Variants in CREB5 observed in about 807,000 individuals in gnomAD.
The protein encoded by CREB5 is cyclic AMP-responsive element-binding protein 5.
A neutral mutation model predicts 57.1 loss-of-function variants in CREB5; 19 were observed. The ratio of observed to expected loss-of-function variants is 0.33; its 90% confidence interval spans 0.23 to 0.49. The LOEUF (loss-of-function observed/expected upper bound fraction) is 0.49, where lower values mean the gene tolerates loss of function less well. Ranked by LOEUF, CREB5 falls within the 20% of genes least tolerant of loss-of-function variation. CREB5 has a pLI of 0.99. For missense variants in CREB5, 579 were observed against 671.6 expected (o/e 0.86, Z 1.52); for synonymous variants, 238 against 238.3 (o/e 1.00, Z 0.01).
At chr7:28,428,579 T>C (rs891700763) in intron 1 of CREB5, among the ~76,000 whole-genome samples, 1 of 152,116 alleles carries the variant, frequency 6.6e-6, no homozygotes, top group African/African-American at 2.4e-5. Context: ...ATTAAGGTAT[T>C]TGACCTGAGA....
At chr7:28,474,128 CT>C (rs1485834197) in intron 1 of CREB5, among the ~76,000 whole-genome samples, 1 of 152,140 alleles carries the variant, frequency 6.6e-6, no homozygotes, top group Admixed American at 6.6e-5. Flanking sequence ...GAATGAGGCT[CT>C]GTGGAGAGGG....
intron 3 of CREB5, among the ~76,000 whole-genome samples, chr7:28,497,488 T>C (rs1262153999): frequency 3.3e-5 from 5 of 152,344 alleles, no homozygotes; most frequent in South Asian, 4.1e-4. Flanking sequence ...GAGTATTATA[T>C]TGACATATTT....
intron 5 of CREB5, among the ~76,000 whole-genome samples, chr7:28,692,089 G>A (rs1801299891): frequency 1.3e-5 from 2 of 151,718 alleles, no homozygotes; most frequent in Admixed American, 1.3e-4. Context: ...AGGAGGCTGA[G>A]GCAGGAGAAT....
chr7:28,744,294 A>AGATTAGG (rs1804566797), intron 7 of CREB5, among the ~76,000 whole-genome samples: 2 of 146,180 alleles, frequency 1.4e-5, no homozygotes, highest in African/African-American at 5.0e-5. Flanking sequence ...CAGTCATATT[A>AGATTAGG]GATTAGGGCC....
At chr7:28,299,823 A>G (rs1228067681) in intron 1 of CREB5, among the ~76,000 whole-genome samples, 1 of 152,224 alleles carries the variant, frequency 6.6e-6, no homozygotes, top group Admixed American at 6.5e-5. Flanking sequence ...AAAGTTTAGG[A>G]GCCAGGGCAA....
At chr7:28,447,893 C>T (rs1344874504) in intron 1 of CREB5, among the ~76,000 whole-genome samples, 3 of 152,112 alleles carry the variant, frequency 2.0e-5, no homozygotes, top group African/African-American at 7.2e-5. Context: ...CAAAAAGTAG[C>T]AAGAAACCAC....
At chr7:28,813,473 G>A (rs920472015) in intron 9 of CREB5, among the ~76,000 whole-genome samples, 1 of 152,186 alleles carries the variant, frequency 6.6e-6, no homozygotes, top group South Asian at 2.1e-4. Context: ...CTTGGCAAGC[G>A]AATAGGCCAG....
At chr7:28,313,823 A>G (rs1785325724) in intron 1 of CREB5, among the ~76,000 whole-genome samples, 1 of 152,230 alleles carries the variant, frequency 6.6e-6, no homozygotes, top group Non-Finnish European at 1.5e-5. Flanking sequence ...AAGAAATAAA[A>G]ATTTAATAGA....
At chr7:28,425,027 GT>G (rs1367930196) in intron 1 of CREB5, among the ~76,000 whole-genome samples, 3 of 152,088 alleles carry the variant, frequency 2.0e-5, no homozygotes, top group African/African-American at 7.2e-5. Context: ...ACATGTGTGG[GT>G]TTGTTAGATA....
chr7:28,676,123 C>G (rs1800310838), intron 5 of CREB5, among the ~76,000 whole-genome samples: 1 of 152,034 alleles, frequency 6.6e-6, no homozygotes, highest in African/African-American at 2.4e-5. Context: ...GGCTTGGTGG[C>G]CCTAGGCTAG....
At chr7:28,468,529 G>T (rs1348517919) in intron 1 of CREB5, among the ~76,000 whole-genome samples, 1 of 152,216 alleles carries the variant, frequency 6.6e-6, no homozygotes, top group Non-Finnish European at 1.5e-5. Flanking sequence ...ATGGGCAATG[G>T]GTTGAGCAGG....
rs902655504 is a variant in CREB5, at chr7:28,822,409, C to CTGTT, written c.*3133_*3136dup. Reference sequence around the variant, plus strand: ...CTCCTCCTTGTCCTACACTTTTTGCCTGTTTGGGAGAATATCTTTGTACTC... The same window carrying CTGTT: ...CTCCTCCTTGTCCTACACTTTTTGCCTGTTTGTTTGGGAGAATATCTTTGTACTC... On this transcript the variant is annotated 3_prime_UTR_variant, in exon 11 of 11. Transcript: ENST00000357727. 77 of 152,594 alleles carry CTGTT rather than the reference C, an allele frequency of 5.0e-4. No individual in the cohort carries two copies. Among genetic ancestry groups the CTGTT allele is most frequent in the African/African-American group, 1.8e-3 (76 of 41,418 alleles). 9.5% of individuals were successfully genotyped at this position (152,594 alleles called of 1,614,324 possible).
At chr7:28,587,736 G>A (rs565874898) in intron 5 of CREB5, among the ~76,000 whole-genome samples, 5 of 152,198 alleles carry the variant, frequency 3.3e-5, no homozygotes, top group East Asian at 3.9e-4. Context: ...TAAGGTTCAC[G>A]GTATAGGTTT....
At chr7:28,393,979 G>A (rs752030777) in intron 1 of CREB5, among the ~76,000 whole-genome samples, 15 of 149,056 alleles carry the variant, frequency 1.0e-4, no homozygotes, top group Non-Finnish European at 1.9e-4. Context: ...GGAGGCTGAG[G>A]CAGGAGAATC....
chr7:28,494,422 A>C (rs1439764576), intron 2 of CREB5, among the ~76,000 whole-genome samples: 1 of 152,176 alleles, frequency 6.6e-6, no homozygotes, highest in African/African-American at 2.4e-5. Flanking sequence ...TTGTTCATTT[A>C]CTTCTTCCTG....
At chr7:28,791,027 T>C (rs1300382889) in intron 7 of CREB5, among the ~76,000 whole-genome samples, 1 of 152,202 alleles carries the variant, frequency 6.6e-6, no homozygotes, top group Non-Finnish European at 1.5e-5. Context: ...CCGTATAGGA[T>C]ACAATTCCTT....
rs1318990341 is a variant in CREB5 at position 28,630,315 on chromosome 7, G to GTACC, written c.464+59779_464+59782dup. On this transcript the variant is annotated intron_variant, in intron 5 of 10. Transcript: ENST00000357727. ...TTTTGTCATTTGTCATGATTCTGTAGTACCACCCAATTTGTGAAAGTAACA... is the reference window on the plus strand; with the variant it reads ...TTTTGTCATTTGTCATGATTCTGTAGTACCTACCACCCAATTTGTGAAAGTAACA... 2.6e-5 allele frequency among the ~76,000 whole-genome samples: 4 copies of GTACC among 152,216 alleles called. No individual in the cohort carries two copies. The East Asian group carries it at 7.7e-4, about 29-fold the overall frequency.
At chr7:28,538,414 A>G (rs1794065274) in intron 4 of CREB5, among the ~76,000 whole-genome samples, 1 of 148,996 alleles carries the variant, frequency 6.7e-6, no homozygotes, top group African/African-American at 2.4e-5. Context: ...TTATTCGCTT[A>G]AAGTCTTTAT....
chr7:28,555,071 C>T (rs906000852), intron 4 of CREB5, among the ~76,000 whole-genome samples: 86 of 147,968 alleles, frequency 5.8e-4, no homozygotes, highest in African/African-American at 2.1e-3. Context: ...ACTCAGCACA[C>T]TAGAGGTCTT....
Sources: gnomAD v4.1 joint callset for allele counts (sites outside exome capture counted in the v4.1 genomes callset) on GRCh38, gnomAD v4.1.1 for gene constraint, MANE v1.5 for transcripts, NCBI Gene and HGNC (gene_info 2026-07-23, HGNC 2026-07-21) for gene names.